Variants in NALF1 observed in about 807,000 individuals in gnomAD.
NALF1 encodes family with sequence similarity 155 member A.
Under a neutral mutation model 48.4 loss-of-function variants are expected in NALF1, and 3 were observed. The observed-to-expected ratio is 0.06, with a 90% CI of 0.03 to 0.16. NALF1 has a LOEUF of 0.16. NALF1 is among the 10% of genes least tolerant of loss of function. The pLI is 1.00. For missense variants in NALF1, 526 were observed against 571.5 expected, an observed-to-expected ratio of 0.92 and a Z score of 0.81; for synonymous variants, 262 against 245.7, an observed-to-expected ratio of 1.07 and a Z score of -0.62.
At chr13:107,673,524 T>G (rs1299918684) in intron 1 of NALF1, among the ~76,000 whole-genome samples, 1 of 152,128 alleles carries the variant, frequency 6.6e-6, no homozygotes, top group African/African-American at 2.4e-5. Context: ...GTTTTCCAAC[T>G]AAAATAAATA....
intron 2 of NALF1, among the ~76,000 whole-genome samples, chr13:107,193,006 A>G (rs1479588869): frequency 6.6e-6 from 1 of 150,684 alleles, no homozygotes; most frequent in Non-Finnish European, 1.5e-5. Flanking sequence ...TCCTATAATT[A>G]GTAAAACATT....
At chr13:107,763,975 C>G (rs1001351998) in intron 1 of NALF1, among the ~76,000 whole-genome samples, 1 of 152,088 alleles carries the variant, frequency 6.6e-6, no homozygotes, top group African/African-American at 2.4e-5. Context: ...ATAATTTGAT[C>G]TACTTAGTTT....
Position 107,586,635 on chromosome 13 carries a change from A to ATTTTTTTTTTTTTTTTTTTTTTTTTTTT in NALF1, c.915+279046_915+279047insAAAAAAAAAAAAAAAAAAAAAAAAAAAA, listed in dbSNP as rs61429641. ...CTACATTTAAAGCTCCCCTATGGAG[A>ATTTTTTTTTTTTTTTTTTTTTTTTTTTT]TTTTTTTTTTTTTTGCTAGGAATGA... On this transcript the variant is annotated intron_variant, in intron 1 of 2. Coordinates refer to ENST00000375915, the MANE Select transcript of NALF1 (RefSeq NM_001080396.3). 1.7e-3 allele frequency among the ~76,000 whole-genome samples: 157 copies of ATTTTTTTTTTTTTTTTTTTTTTTTTTTT among 93,080 alleles called. 37 individuals carry two copies. The highest frequency in any genetic ancestry group is 2.1e-3 in the South Asian group (5 of 2,360). 61.1% of individuals were successfully genotyped at this position (93,080 alleles called of 152,430 possible). A position where few individuals can be genotyped will look rare whatever the true frequency, so the allele number is the denominator to read the frequency against.
chr13:107,813,853 A>G (rs1477301452), intron 1 of NALF1, among the ~76,000 whole-genome samples: 1 of 152,088 alleles, frequency 6.6e-6, no homozygotes, highest in Non-Finnish European at 1.5e-5. Context: ...CAAGATCATG[A>G]GTTTAATTAA....
chr13:107,593,196 T>C (rs189982391), intron 1 of NALF1, among the ~76,000 whole-genome samples: 1 of 151,904 alleles, frequency 6.6e-6, no homozygotes, highest in African/African-American at 2.4e-5. Context: ...AAATTTAATC[T>C]AGGAATTTAA....
chr13:107,363,058 A>G (rs965645479), intron 1 of NALF1, among the ~76,000 whole-genome samples: 1 of 152,242 alleles, frequency 6.6e-6, no homozygotes, highest in African/African-American at 2.4e-5. Context: ...AAATTCTACT[A>G]GAATAATTAA....
chr13:107,329,742 G>A (rs908090854), intron 1 of NALF1, among the ~76,000 whole-genome samples: 9 of 148,268 alleles, frequency 6.1e-5, no homozygotes, highest in Non-Finnish European at 1.3e-4. Flanking sequence ...ACCTATGAGT[G>A]AGAACATGCG....
intron 1 of NALF1, among the ~76,000 whole-genome samples, chr13:107,575,345 G>C (rs1427719807): frequency 1.3e-5 from 2 of 152,138 alleles, no homozygotes; most frequent in Non-Finnish European, 2.9e-5. Context: ...GCTATGGAGT[G>C]AGTTGCCCAA....
chr13:107,246,770 G>C (rs1033120075), intron 1 of NALF1, among the ~76,000 whole-genome samples: 1 of 152,074 alleles, frequency 6.6e-6, no homozygotes, highest in African/African-American at 2.4e-5. Context: ...ATTGAGGATT[G>C]TTTTTTATGA....
intron 1 of NALF1, among the ~76,000 whole-genome samples, chr13:107,728,859 T>TA (rs1876231999): frequency 6.6e-6 from 1 of 152,128 alleles, no homozygotes; most frequent in African/African-American, 2.4e-5. Flanking sequence ...GAGGGCAAGA[T>TA]AAAGGCTCAT....
At chr13:107,502,938 C>T (rs1379908910) in intron 1 of NALF1, among the ~76,000 whole-genome samples, 1 of 152,176 alleles carries the variant, frequency 6.6e-6, no homozygotes, top group Non-Finnish European at 1.5e-5. Context: ...AGCCCCACAT[C>T]CCACAGTGTA....
intron 1 of NALF1, among the ~76,000 whole-genome samples, chr13:107,250,265 A>T (rs1250524615): frequency 6.6e-6 from 1 of 152,200 alleles, no homozygotes; most frequent in African/African-American, 2.4e-5. Flanking sequence ...TCACTGAAAC[A>T]AAAATACCAT....
chr13:107,648,161 G>A lies in NALF1; in HGVS notation c.915+217521C>T, dbSNP rs570309271. On this transcript the variant is annotated intron_variant, in intron 1 of 2. Coordinates refer to ENST00000375915, the MANE Select transcript of NALF1 (RefSeq NM_001080396.3). ...TCATCTCACTACATTTGTTACAACCGATGAATCAATATTGACAGATTATGA... is the reference window on the plus strand; with the variant it reads ...TCATCTCACTACATTTGTTACAACCAATGAATCAATATTGACAGATTATGA... Among the ~76,000 whole-genome samples, 11 of 152,200 alleles carry A rather than the reference G, an allele frequency of 7.2e-5. No individual in the cohort carries two copies. In the South Asian group the frequency reaches 8.3e-4, roughly 11 times the overall value.
rs368797722 is a variant in NALF1 at position 107,546,191 on chromosome 13, C to T, written c.915+319491G>A. Among the ~76,000 whole-genome samples the T allele has an allele frequency of 2.1e-4, 32 of 152,232 alleles. No individual in the cohort carries two copies. In the East Asian group the frequency reaches 2.1e-3, roughly 10 times the overall value. On this transcript the variant is annotated intron_variant, in intron 1 of 2. Transcript: ENST00000375915. Reference sequence around the variant, plus strand: ...GCCAGTGTGCCAACAAAGCCCATTGCGATTTATTCCATCCTGCTGCTCTGC... The same window carrying T: ...GCCAGTGTGCCAACAAAGCCCATTGTGATTTATTCCATCCTGCTGCTCTGC...
chr13:107,653,711 C>T (rs1296678848), intron 1 of NALF1, among the ~76,000 whole-genome samples: 1 of 151,868 alleles, frequency 6.6e-6, no homozygotes, highest in Admixed American at 6.6e-5. Context: ...CCTCAGCTGC[C>T]CAATTAGAAA....
intron 2 of NALF1, among the ~76,000 whole-genome samples, chr13:107,174,597 C>G (rs998892263): frequency 6.6e-6 from 1 of 151,798 alleles, no homozygotes; most frequent in African/African-American, 2.4e-5. Context: ...CCTCGTGATC[C>G]ACCCGCCTCG....
intron 2 of NALF1, among the ~76,000 whole-genome samples, chr13:107,208,800 T>C (rs1356849169): frequency 6.6e-6 from 1 of 152,144 alleles, no homozygotes; most frequent in African/African-American, 2.4e-5. Context: ...TCTGGTGAAT[T>C]TTGTCTCAAA....
intron 1 of NALF1, among the ~76,000 whole-genome samples, chr13:107,689,463 A>C (rs2138502969): frequency 6.6e-6 from 1 of 152,320 alleles, no homozygotes. Context: ...TGAAATTAAA[A>C]CAGTTTTGGT....
intron 1 of NALF1, among the ~76,000 whole-genome samples, chr13:107,442,712 T>C (rs1438683629): frequency 6.6e-6 from 1 of 152,232 alleles, no homozygotes; most frequent in Non-Finnish European, 1.5e-5. Context: ...CCAATATTTT[T>C]CTCACTTCAA....
Sources: gnomAD v4.1 joint callset for allele counts (sites outside exome capture counted in the v4.1 genomes callset) on GRCh38, gnomAD v4.1.1 for gene constraint, MANE v1.5 for transcripts, NCBI Gene and HGNC (gene_info 2026-07-23, HGNC 2026-07-21) for gene names.